The following KIAA1217 variants were observed in gnomAD, a reference collection of about 807,000 sequenced individuals.
KIAA1217 encodes the protein KIAA1217.
In KIAA1217, 88 loss-of-function variants were observed where a neutral mutation model predicts 163.9. The observed-to-expected ratio is 0.54, with a 90% CI of 0.45 to 0.64. The LOEUF (loss-of-function observed/expected upper bound fraction) is 0.64, where lower values mean the gene tolerates loss of function less well. KIAA1217 is among the 30% of genes least tolerant of loss of function. KIAA1217 has a pLI of 0.00. For synonymous variants in KIAA1217, 903 were observed against 923.1 expected (o/e 0.98, Z 0.39); for missense variants, 2,372 against 2,475.0 (o/e 0.96, Z 0.88).
chr10:23,823,572 T>C (rs1417452051), intron 1 of KIAA1217, among the ~76,000 whole-genome samples: 1 of 152,170 alleles, frequency 6.6e-6, no homozygotes, highest in Non-Finnish European at 1.5e-5. Context: ...AAAGTCCCTC[T>C]TGCCATGTAA....
At chr10:23,950,403 T>G (rs1806263427) in intron 1 of KIAA1217, among the ~76,000 whole-genome samples, 1 of 152,032 alleles carries the variant, frequency 6.6e-6, no homozygotes, top group Non-Finnish European at 1.5e-5. Context: ...TTTTTTTTTA[T>G]TTTTTTCCCT....
At chr10:23,908,161 C>T (rs1022488371) in intron 1 of KIAA1217, among the ~76,000 whole-genome samples, 1 of 152,046 alleles carries the variant, frequency 6.6e-6, no homozygotes, top group Non-Finnish European at 1.5e-5. Flanking sequence ...AGAGCCCGTG[C>T]AGCTAGAGCT....
At chr10:23,761,646 C>T in intron 1 of KIAA1217, among the ~76,000 whole-genome samples, 1 of 152,120 alleles carries the variant, frequency 6.6e-6, no homozygotes, top group East Asian at 1.9e-4. Context: ...ACTTCTTTTG[C>T]ATTTGCTGAG....
intron 2 of KIAA1217, among the ~76,000 whole-genome samples, chr10:24,199,607 T>C (rs1164979247): frequency 6.6e-6 from 1 of 152,244 alleles, no homozygotes; most frequent in Admixed American, 6.5e-5. Flanking sequence ...AAATTCAGCC[T>C]ACAGTTGACT....
At chr10:24,404,968 A>G (rs901681798) in intron 3 of KIAA1217, among the ~76,000 whole-genome samples, 4 of 152,214 alleles carry the variant, frequency 2.6e-5, no homozygotes, top group Non-Finnish European at 5.9e-5. Flanking sequence ...GATGCCAGGG[A>G]CTGGGGATGT....
In KIAA1217 at chr10:24,517,527, A is replaced by G. The variant is rs1358701562; in HGVS notation, c.2178-2596A>G. Among the ~76,000 whole-genome samples the G allele has an allele frequency of 2.0e-5, 3 of 152,192 alleles. No individual in the cohort carries two copies. In the East Asian group the frequency reaches 5.8e-4, roughly 29 times the overall value. ...AAAAGCCAGAAATTTCAACTCTGGA[A>G]TATCAGAACAGTGATATCCCTCTTT... On this transcript the variant is annotated intron_variant, in intron 10 of 20. Transcript: ENST00000376454.
chr10:24,478,296 G>A (rs2064260813), intron 6 of KIAA1217, among the ~76,000 whole-genome samples: 1 of 152,194 alleles, frequency 6.6e-6, no homozygotes, highest in Non-Finnish European at 1.5e-5. Context: ...CTTGAAAATA[G>A]CTCACTCAAG....
At chr10:24,353,379 A>G (rs146805093) in intron 2 of KIAA1217, among the ~76,000 whole-genome samples, 152 of 152,274 alleles carry the variant, frequency 1.0e-3, no homozygotes, top group African/African-American at 3.6e-3. Context: ...GTTTCTGTGA[A>G]GTTCCGACAG....
At chr10:24,217,031 CAAA>C (rs60303909) in intron 1 of KIAA1217, among the ~76,000 whole-genome samples, 1 of 21,320 alleles carries the variant, frequency 4.7e-5, no homozygotes. Context: ...GACCTTGTCT[CAAA>C]AAAAAAAAAA....
intron 2 of KIAA1217, among the ~76,000 whole-genome samples, chr10:24,050,150 G>T (rs1589302196): frequency 6.6e-6 from 1 of 152,158 alleles, no homozygotes; most frequent in Non-Finnish European, 1.5e-5. Flanking sequence ...TTTTGATGGG[G>T]TTGTTTGTTT....
At chr10:24,483,128 G>C (rs1240369917) in intron 6 of KIAA1217, 1 of 152,186 alleles carries the variant, frequency 6.6e-6, no homozygotes, top group Non-Finnish European at 1.5e-5. Flanking sequence ...AGAGACCTTG[G>C]AGAATACTGG....
At chr10:24,391,952 A>G (rs1455549833) in intron 3 of KIAA1217, among the ~76,000 whole-genome samples, 2 of 152,210 alleles carry the variant, frequency 1.3e-5, no homozygotes, top group Non-Finnish European at 2.9e-5. Context: ...CCCTCCATCA[A>G]GTTTCAAAGA....
chr10:23,874,749 TA>T (rs1207147173), intron 1 of KIAA1217, among the ~76,000 whole-genome samples: 1 of 152,028 alleles, frequency 6.6e-6, no homozygotes, highest in Non-Finnish European at 1.5e-5. Flanking sequence ...TAATCTTCAC[TA>T]AAGCATCCTG....
chr10:24,248,580 A>AGAATCGCTT (rs2074103373), intron 2 of KIAA1217, among the ~76,000 whole-genome samples: 1 of 146,814 alleles, frequency 6.8e-6, no homozygotes, highest in Non-Finnish European at 1.5e-5. Context: ...CTGAGACAGG[A>AGAATCGCTT]GAATCGCTTG....
Position 24,149,486 on chromosome 10 carries a change from A to AT in KIAA1217, c.-170-70131dup, listed in dbSNP as rs61418751. The stretch of plus-strand genomic sequence containing the variant: ...GTCATGAGCCTCCATGCCTGGCCCT[A>AT]TTTTTTTTTAATGTAAGAAAATAGA... On this transcript the variant is annotated intron_variant, in intron 2 of 18. Coordinates refer to the KIAA1217 transcript ENST00000376462. Among the ~76,000 whole-genome samples, 698 of 149,708 alleles carry AT rather than the reference A, an allele frequency of 4.7e-3. 3 individuals are homozygous for AT. The highest frequency in any genetic ancestry group is 0.016 in the African/African-American group (656 of 40,868).
chr10:24,115,194 C>G (rs1283546366), intron 2 of KIAA1217, among the ~76,000 whole-genome samples: 1 of 152,208 alleles, frequency 6.6e-6, no homozygotes, highest in Non-Finnish European at 1.5e-5. Flanking sequence ...TGCTTTACCC[C>G]AAACTCAGCA....
chr10:24,378,292 A>G (rs1297804183), intron 2 of KIAA1217, among the ~76,000 whole-genome samples: 1 of 152,160 alleles, frequency 6.6e-6, no homozygotes, highest in Non-Finnish European at 1.5e-5. Context: ...CGAGAATTTG[A>G]TTGATCCAGC....
At chr10:24,289,390 G>A (rs2078872294) in intron 2 of KIAA1217, among the ~76,000 whole-genome samples, 2 of 152,160 alleles carry the variant, frequency 1.3e-5, no homozygotes, top group South Asian at 4.1e-4. Flanking sequence ...GACCCTGAAG[G>A]CATGGAAACA....
intron 1 of KIAA1217, among the ~76,000 whole-genome samples, chr10:23,934,609 A>T (rs1327198529): frequency 4.4e-5 from 3 of 68,948 alleles, no homozygotes; most frequent in Non-Finnish European, 7.4e-5. Context: ...ATATATATGT[A>T]TATATATATA....
Sources: gnomAD v4.1 joint callset for allele counts (sites outside exome capture counted in the v4.1 genomes callset) on GRCh38, gnomAD v4.1.1 for gene constraint, MANE v1.5 for transcripts, NCBI Gene and HGNC (gene_info 2026-07-23, HGNC 2026-07-21) for gene names.